Variants in SORCS1 observed in about 807,000 individuals in gnomAD.
The protein encoded by SORCS1 is VPS10 domain-containing receptor SorCS1.
Under a neutral mutation model 146.1 loss-of-function variants are expected in SORCS1, and 60 were observed. The observed-to-expected ratio is 0.41, with a 90% CI of 0.33 to 0.51. The LOEUF is 0.51. Among genes scored for constraint, SORCS1 ranks in the 20% least tolerant of loss-of-function variants. The pLI is 0.21. For synonymous variants in SORCS1, 637 were observed against 584.0 expected (o/e 1.09, Z -1.31); for missense variants, 1,352 against 1,487.6 (o/e 0.91, Z 1.50).
At chr10:106,964,921 G>A (rs1188155754) in intron 1 of SORCS1, among the ~76,000 whole-genome samples, 1 of 150,874 alleles carries the variant, frequency 6.6e-6, no homozygotes, top group African/African-American at 2.4e-5. Context: ...GCCAAGACCA[G>A]ATTTTGAGTC....
chr10:106,991,675 C>T (rs1338826927), intron 1 of SORCS1, among the ~76,000 whole-genome samples: 1 of 152,048 alleles, frequency 6.6e-6, no homozygotes, highest in Admixed American at 6.6e-5. Context: ...AATTATTACT[C>T]CTGGAGCAGA....
At chr10:106,963,324 C>A (rs904293385) in intron 1 of SORCS1, among the ~76,000 whole-genome samples, 3 of 151,754 alleles carry the variant, frequency 2.0e-5, no homozygotes, top group African/African-American at 7.3e-5. Context: ...ACCGTGTTAG[C>A]CAGGATGGTC....
At position 106,917,866 on chromosome 10, in the gene SORCS1, A is replaced by G. The variant is rs17121765; in HGVS notation, c.626+38647T>C. ...TATCTAAAAATATCTGTCAGCTCCT[A>G]TGAGTGGTGCTCGCTTCAAGTGCTT... On this transcript the variant is annotated intron_variant, in intron 2 of 25. Transcript: ENST00000263054. Among the ~76,000 whole-genome samples, 919 of 152,312 alleles carry G rather than the reference A, an allele frequency of 6.0e-3. 7 individuals are homozygous for G. The highest frequency in any genetic ancestry group is 0.02 in the African/African-American group (833 of 41,578).
intron 3 of SORCS1, among the ~76,000 whole-genome samples, chr10:106,818,939 G>T (rs1490986674): frequency 6.6e-6 from 1 of 152,174 alleles, no homozygotes; most frequent in Non-Finnish European, 1.5e-5. Context: ...TGCTGTAAGA[G>T]ATTGTTTATA....
chr10:106,628,669 C>A (rs2133569983), intron 19 of SORCS1, among the ~76,000 whole-genome samples: 1 of 152,314 alleles, frequency 6.6e-6, no homozygotes, highest in East Asian at 1.9e-4. Context: ...TCTCTCTACA[C>A]CACCTTCTCT....
At chr10:107,073,869 G>A (rs570943511) in intron 1 of SORCS1, among the ~76,000 whole-genome samples, 1 of 151,908 alleles carries the variant, frequency 6.6e-6, no homozygotes, top group Non-Finnish European at 1.5e-5. Context: ...ACCTGGGCTT[G>A]GACTTTTTTT....
chr10:106,642,164 C>A (rs933410786), intron 18 of SORCS1, among the ~76,000 whole-genome samples: 2 of 152,166 alleles, frequency 1.3e-5, no homozygotes, highest in Non-Finnish European at 2.9e-5. Context: ...AGGCTTAGAT[C>A]AGTCCGTAAG....
chr10:106,760,357 TGGC>T (rs1239931103), intron 5 of SORCS1, among the ~76,000 whole-genome samples: 1 of 139,428 alleles, frequency 7.2e-6, no homozygotes, highest in Non-Finnish European at 1.5e-5. Flanking sequence ...GGCAGGAGAA[TGGC>T]GTGAACCTGG....
intron 1 of SORCS1, among the ~76,000 whole-genome samples, chr10:107,147,662 A>C (rs1590239622): frequency 6.6e-6 from 1 of 152,224 alleles, no homozygotes; most frequent in Non-Finnish European, 1.5e-5. Flanking sequence ...TGGTATATCA[A>C]TGCTGACCAT....
At chr10:106,996,415 A>G (rs899277367) in intron 1 of SORCS1, among the ~76,000 whole-genome samples, 13 of 152,168 alleles carry the variant, frequency 8.5e-5, no homozygotes, top group Non-Finnish European at 1.3e-4. Context: ...TAGCTTTCAT[A>G]GAATCAGATA....
At chr10:106,689,186 G>T (rs563930075) in intron 9 of SORCS1, among the ~76,000 whole-genome samples, 9 of 152,256 alleles carry the variant, frequency 5.9e-5, no homozygotes, top group East Asian at 3.9e-4. Context: ...CTATATGTTA[G>T]GTAAGAAGTA....
intron 5 of SORCS1, among the ~76,000 whole-genome samples, chr10:106,730,830 TA>T (rs1856541969): frequency 6.6e-6 from 1 of 152,182 alleles, no homozygotes. Flanking sequence ...CTAGGATTTT[TA>T]TACAATGAGA....
chr10:106,909,505 G>T (rs182534257), intron 2 of SORCS1, among the ~76,000 whole-genome samples: 14 of 152,288 alleles, frequency 9.2e-5, no homozygotes, highest in Admixed American at 3.3e-4. Context: ...CATCAGACCA[G>T]CTCTGAAATT....
chr10:106,943,496 A>G (rs1463381524), intron 2 of SORCS1, among the ~76,000 whole-genome samples: 1 of 152,090 alleles, frequency 6.6e-6, no homozygotes, highest in East Asian at 1.9e-4. Flanking sequence ...ACTCTATCTC[A>G]ACCTCAATCT....
chr10:107,079,244 G>A (rs924699921), intron 1 of SORCS1, among the ~76,000 whole-genome samples: 5 of 151,746 alleles, frequency 3.3e-5, no homozygotes, highest in Non-Finnish European at 7.4e-5. Flanking sequence ...AAAAAAACTG[G>A]TGTTGAGATC....
At chr10:106,814,833 T>C (rs900258042) in intron 3 of SORCS1, among the ~76,000 whole-genome samples, 2 of 120,310 alleles carry the variant, frequency 1.7e-5, no homozygotes, top group Non-Finnish European at 3.2e-5. Flanking sequence ...GAGAATGACG[T>C]AAACCTGGGA....
chr10:106,591,237 C>T (rs948905117), intron 24 of SORCS1, among the ~76,000 whole-genome samples: 16 of 152,190 alleles, frequency 1.1e-4, no homozygotes, highest in Admixed American at 3.3e-4. Flanking sequence ...CATTCTCTCT[C>T]AGATCTCTCT....
chr10:106,963,501 A>G (rs1955358284), intron 1 of SORCS1, among the ~76,000 whole-genome samples: 1 of 152,186 alleles, frequency 6.6e-6, no homozygotes, highest in African/African-American at 2.4e-5. Context: ...CAAAATATGC[A>G]TGTTCCAGAT....
At chr10:106,723,237 T>C (rs991126445) in intron 6 of SORCS1, among the ~76,000 whole-genome samples, 8 of 152,196 alleles carry the variant, frequency 5.3e-5, no homozygotes, top group African/African-American at 1.9e-4. Context: ...TTAAATAAGA[T>C]ACAACTTTTC....
Sources: gnomAD v4.1 joint callset for allele counts (sites outside exome capture counted in the v4.1 genomes callset) on GRCh38, gnomAD v4.1.1 for gene constraint, MANE v1.5 for transcripts, NCBI Gene and HGNC (gene_info 2026-07-23, HGNC 2026-07-21) for gene names.